SORCS2: variants seen among roughly 807,000 people sequenced by gnomAD.
SORCS2 encodes the protein sortilin related VPS10 domain containing receptor 2.
A neutral mutation model predicts 141.6 loss-of-function variants in SORCS2; 100 were observed. The observed-to-expected ratio is 0.71, with a 90% confidence interval of 0.60 to 0.83. The LOEUF (loss-of-function observed/expected upper bound fraction) is 0.83. Ranked by LOEUF, SORCS2 falls within the 40% of genes least tolerant of loss-of-function variation. The probability of loss-of-function intolerance (pLI) is 0.00; values close to 1 mark genes in which losing one functional copy is unlikely to be tolerated. For synonymous variants in SORCS2, 789 were observed against 676.9 expected (o/e 1.17, Z -2.57); for missense variants, 1,646 against 1,560.2 (o/e 1.05, Z -0.93).
At chr4:7,535,127 C>G (rs60046977) in intron 3 of SORCS2, among the ~76,000 whole-genome samples, 1 of 152,164 alleles carries the variant, frequency 6.6e-6, no homozygotes, top group African/African-American at 2.4e-5. Context: ...CTGGGTGCCC[C>G]GGTTTGGGCC....
intron 14 of SORCS2, among the ~76,000 whole-genome samples, chr4:7,706,731 TCTGC>T (rs768561203): frequency 8.4e-5 from 12 of 143,682 alleles, no homozygotes; most frequent in East Asian, 6.4e-4. Flanking sequence ...GAGGCTGGGC[TCTGC>T]CTGGGCAGGG....
At chr4:7,680,645 C>A (rs900144212) in intron 9 of SORCS2, among the ~76,000 whole-genome samples, 11 of 152,262 alleles carry the variant, frequency 7.2e-5, no homozygotes, top group Admixed American at 4.6e-4. Context: ...CAGCTGAATG[C>A]TCTGTGCATG....
chr4:7,559,831 C>G (rs1714407051), intron 3 of SORCS2, among the ~76,000 whole-genome samples: 1 of 152,246 alleles, frequency 6.6e-6, no homozygotes, highest in Non-Finnish European at 1.5e-5. Flanking sequence ...TGCCCACTGA[C>G]CACTCGCAAA....
chr4:7,507,908 A>G (rs1447565355), intron 2 of SORCS2, among the ~76,000 whole-genome samples: 1 of 152,220 alleles, frequency 6.6e-6, no homozygotes, highest in African/African-American at 2.4e-5. Flanking sequence ...GAGAATATGT[A>G]TAACCACTTC....
chr4:7,656,455 G>A (rs939631784), intron 5 of SORCS2, among the ~76,000 whole-genome samples: 8 of 152,244 alleles, frequency 5.3e-5, no homozygotes, highest in African/African-American at 1.7e-4. Context: ...CAGCCCATGC[G>A]GGTCTCCCTC....
At chr4:7,730,070 AG>A (rs1711551055) in intron 23 of SORCS2, among the ~76,000 whole-genome samples, 1 of 152,208 alleles carries the variant, frequency 6.6e-6, no homozygotes, top group African/African-American at 2.4e-5. Context: ...GAGACACCCA[AG>A]GGTGTGGGTT....
intron 1 of SORCS2, among the ~76,000 whole-genome samples, chr4:7,228,396 A>G (rs1711569386): frequency 6.6e-6 from 1 of 152,182 alleles, no homozygotes; most frequent in Non-Finnish European, 1.5e-5. Flanking sequence ...AGTCACCTGC[A>G]TGTGTCCGGT....
intron 2 of SORCS2, among the ~76,000 whole-genome samples, chr4:7,497,479 C>T (rs764863007): frequency 2.6e-5 from 4 of 152,230 alleles, no homozygotes; most frequent in Non-Finnish European, 5.9e-5. Context: ...CAGCCCAGCT[C>T]CTTGGCAGGA....
At position 7,669,299 on chromosome 4, in the gene SORCS2, T is replaced by A. The variant is rs73794364; in HGVS notation, c.1161+2086T>A. On this transcript the variant is annotated intron_variant, in intron 8 of 26. Coordinates refer to ENST00000507866, the MANE Select transcript of SORCS2 (RefSeq NM_020777.3). The stretch of plus-strand genomic sequence containing the variant: ...GCATGTGCTGTGACTATCGATGTCC[T>A]CCCTCAGGGGTCCATGCACAGGACC... 1.7e-3 allele frequency among the ~76,000 whole-genome samples: 252 copies of A among 152,290 alleles called. 2 individuals carry two copies. Among genetic ancestry groups the A allele is most frequent in the African/African-American group, 5.8e-3 (240 of 41,564 alleles).
intron 2 of SORCS2, among the ~76,000 whole-genome samples, chr4:7,483,866 TAACA>T (rs1262946550): frequency 2.0e-5 from 3 of 152,196 alleles, no homozygotes; most frequent in Admixed American, 2.0e-4. Flanking sequence ...TATACCTATG[TAACA>T]AACCTGCACG....
chr4:7,712,436 T>A (rs1725880458), intron 14 of SORCS2, among the ~76,000 whole-genome samples: 1 of 152,226 alleles, frequency 6.6e-6, no homozygotes, highest in African/African-American at 2.4e-5. Context: ...CCTCCTTCCC[T>A]GTCCATCAAG....
chr4:7,243,334 C>T (rs1341730347), intron 1 of SORCS2, among the ~76,000 whole-genome samples: 3 of 152,124 alleles, frequency 2.0e-5, no homozygotes, highest in Non-Finnish European at 4.4e-5. Flanking sequence ...AGCTGAGAAC[C>T]GAGGTTCAGA....
chr4:7,736,854 C>G (rs1395733504), intron 25 of SORCS2, among the ~76,000 whole-genome samples: 1 of 152,132 alleles, frequency 6.6e-6, no homozygotes, highest in East Asian at 1.9e-4. Flanking sequence ...AATCCCAGGG[C>G]CAAGGGAGCA....
chr4:7,374,804 C>G lies in SORCS2; in HGVS notation c.481-21484C>G, dbSNP rs573039557. 5.3e-5 allele frequency among the ~76,000 whole-genome samples: 8 copies of G among 152,326 alleles called. No homozygotes were observed. In the South Asian group the frequency reaches 1.2e-3, roughly 24 times the overall value. ...GCCCCACAGCCATCTTGTGCTCCCT[C>G]CAGCCTCTCTGCCTGGGTAGACCGC... On this transcript the variant is annotated intron_variant, in intron 1 of 26. Transcript: ENST00000507866.
chr4:7,375,368 G>A (rs1455158626), intron 1 of SORCS2, among the ~76,000 whole-genome samples: 1 of 152,222 alleles, frequency 6.6e-6, no homozygotes, highest in East Asian at 1.9e-4. Context: ...CTGTCTCTGG[G>A]CATGGAAACT....
intron 3 of SORCS2, among the ~76,000 whole-genome samples, chr4:7,569,035 T>C (rs1251611923): frequency 3.3e-5 from 5 of 152,196 alleles, no homozygotes; most frequent in Non-Finnish European, 5.9e-5. Flanking sequence ...CTGTGTTTCT[T>C]GGGGATGTCT....
At chr4:7,271,196 G>A (rs1246294106) in intron 1 of SORCS2, among the ~76,000 whole-genome samples, 1 of 152,176 alleles carries the variant, frequency 6.6e-6, no homozygotes, top group African/African-American at 2.4e-5. Context: ...GAAGGACCCT[G>A]TCAAAACATC....
chr4:7,401,375 A>G (rs1463691315), intron 2 of SORCS2, among the ~76,000 whole-genome samples: 1 of 152,152 alleles, frequency 6.6e-6, no homozygotes, highest in Non-Finnish European at 1.5e-5. Context: ...GGATGGGTGG[A>G]TGGAAGAAAG....
intron 1 of SORCS2, among the ~76,000 whole-genome samples, chr4:7,384,038 C>T (rs1723145064): frequency 6.6e-6 from 1 of 152,234 alleles, no homozygotes; most frequent in Non-Finnish European, 1.5e-5. Flanking sequence ...TCGTTCTTAG[C>T]TCTCTTTATT....
Sources: gnomAD v4.1 joint callset for allele counts (sites outside exome capture counted in the v4.1 genomes callset) on GRCh38, gnomAD v4.1.1 for gene constraint, MANE v1.5 for transcripts, NCBI Gene and HGNC (gene_info 2026-07-23, HGNC 2026-07-21) for gene names.